Variants in ICE2 observed in about 807,000 individuals in gnomAD.
ICE2 encodes little elongation complex subunit 2.
In ICE2, 87 loss-of-function variants were observed where a neutral mutation model predicts 105.4. The observed-to-expected ratio is 0.83, with a 90% confidence interval of 0.69 to 0.99. ICE2 has a LOEUF of 0.99. Among genes scored for constraint, ICE2 ranks in the 50% least tolerant of loss-of-function variants. The pLI is 0.00. For synonymous variants in ICE2, 399 were observed against 392.0 expected, an observed-to-expected ratio of 1.02 and a Z score of -0.21; for missense variants, 1,323 against 1,146.7, an observed-to-expected ratio of 1.15 and a Z score of -2.22.
At chr15:60,474,680 C>G (rs2064705606) in intron 3 of ICE2, among the ~76,000 whole-genome samples, 1 of 152,136 alleles carries the variant, frequency 6.6e-6, no homozygotes, top group Non-Finnish European at 1.5e-5. Flanking sequence ...TGTCTTACAG[C>G]TTTTTTGTTC....
intron 5 of ICE2, among the ~76,000 whole-genome samples, chr15:60,464,051 CT>C: frequency 6.6e-6 from 1 of 152,140 alleles, no homozygotes; most frequent in Non-Finnish European, 1.5e-5. Flanking sequence ...GTTCTATATA[CT>C]TTTCCATATG....
intron 14 of ICE2, 22 bp from the exon 15 acceptor site, chr15:60,428,709 C>G (rs758442675): frequency 1.2e-6 from 2 of 1,607,020 alleles, no homozygotes; most frequent in East Asian, 2.2e-5. Flanking sequence ...CAATGAAACT[C>G]AACCCACTGG....
At position 60,442,485 on chromosome 15, in the gene ICE2, G is replaced by C. The variant is rs1595764975; in HGVS notation, c.2356C>G (p.Leu786Val). Residue 786 changes from leucine to valine, a missense_variant, in exon 12 of 16, where the codon CTG becomes GTG. Transcript: ENST00000261520. ...AAGCGACAAAGTTCACTTTCAGTCA[G>C]AGCTTCAACTCCATAACAAGCTTGA... ...EYQACYGVEA[L>V]TESELCRLWT... 1.3e-6 allele frequency: 2 copies of C among 1,599,010 alleles called. No individual in the cohort carries two copies. Among genetic ancestry groups the C allele is most frequent in the Non-Finnish European group, 1.7e-6 (2 of 1,176,846 alleles).
rs752281676 is a variant in ICE2, at chr15:60,449,381, T to C, written c.1586A>G (p.Asp529Gly). ...SQEIETSNKNDMTIDILHADG... is the reference protein window; with the variant it reads ...SQEIETSNKNGMTIDILHADG... ...AGCATGTAATATATCTATAGTCATA[T>C]CATTTTTATTAGAAGTTTCAATTTC... Residue 529 changes from aspartate (D) to glycine (G), a missense_variant, in exon 10 of 16, where the codon GAT (aspartate) becomes GGT (glycine). Physicochemically the swap from Asp to Gly is moderately conservative, Grantham distance 94. Coordinates refer to ENST00000261520, the MANE Select transcript of ICE2 (RefSeq NM_024611.6). The C allele has an allele frequency of 1.2e-6, 2 of 1,613,032 alleles. No individual in the cohort carries two copies. Among genetic ancestry groups the C allele is most frequent in the Non-Finnish European group, 1.7e-6 (2 of 1,179,418 alleles).
intron 9 of ICE2, 64 bp downstream of exon 9, chr15:60,453,539 A>C (rs1252310776): frequency 6.3e-7 from 1 of 1,575,744 alleles, no homozygotes; most frequent in South Asian, 1.2e-5. Context: ...TTGCAATAAA[A>C]CTTTATGCTT....
chr15:60,475,738 C>T (rs1272446676), intron 3 of ICE2, among the ~76,000 whole-genome samples: 2 of 151,946 alleles, frequency 1.3e-5, no homozygotes, highest in Non-Finnish European at 2.9e-5. Flanking sequence ...TAGTACTATA[C>T]TAAACAATTA....
Position 60,421,220 on chromosome 15 carries a change from C to G in ICE2, c.*2414G>C, listed in dbSNP as rs1257155783. The G allele has an allele frequency of 1.4e-5, 2 of 141,918 alleles. No individual in the cohort carries two copies. The highest frequency in any genetic ancestry group is 5.2e-5 in the African/African-American group (2 of 38,426). 8.8% of individuals were successfully genotyped at this position (141,918 alleles called of 1,614,324 possible). On this transcript the variant is annotated 3_prime_UTR_variant, in exon 16 of 16. Coordinates refer to ENST00000261520, the MANE Select transcript of ICE2 (RefSeq NM_024611.6). ...GTCTGATTTAAAAAAAAAAAAAAAA[C>G]TTGCTCATTTTTTGAGATAGGGTCT...
chr15:60,448,768 A>G (rs2063884784), intron 10 of ICE2, 80 bp downstream of exon 10: 8 of 1,218,266 alleles, frequency 6.6e-6, no homozygotes. Flanking sequence ...AGGTTATGAC[A>G]AAGTAAAGGA....
intron 14 of ICE2, among the ~76,000 whole-genome samples, chr15:60,430,560 T>C (rs2063434001): frequency 1.3e-5 from 2 of 152,344 alleles, no homozygotes; most frequent in South Asian, 4.1e-4. Context: ...GTATATAGCA[T>C]GAAGAACAGA....
At chr15:60,437,078 C>A (rs1163950304) in intron 12 of ICE2, among the ~76,000 whole-genome samples, 5 of 151,702 alleles carry the variant, frequency 3.3e-5, no homozygotes, top group Admixed American at 6.6e-5. Flanking sequence ...CATGGTGAAA[C>A]CTCGTCTCTA....
At chr15:60,470,369 T>C (rs2064555446) in intron 3 of ICE2, among the ~76,000 whole-genome samples, 2 of 152,116 alleles carry the variant, frequency 1.3e-5, no homozygotes, top group Admixed American at 1.3e-4. Context: ...AGAGAAAATA[T>C]CCATAGCAGT....
Position 60,468,044 on chromosome 15 carries a change from A to T in ICE2, c.408+17T>A. The stretch of plus-strand genomic sequence containing the variant: ...TTTTTATTATTTTTTCCTGAAACTG[A>T]AGAACACAATACATACCAAGTACTG... On this transcript the variant is annotated intron_variant, in intron 4 of 15. Coordinates refer to ENST00000261520, the MANE Select transcript of ICE2 (RefSeq NM_024611.6). The T allele has an allele frequency of 6.7e-7, 1 of 1,502,298 alleles. No homozygotes were observed. Among genetic ancestry groups the T allele is most frequent in the Non-Finnish European group, 8.9e-7 (1 of 1,120,730 alleles). The allele number at this position is 1,502,298 out of a possible 1,614,324, so 93.1% of individuals were successfully genotyped here.
chr15:60,462,069 A>AT (rs1166782721), intron 5 of ICE2, among the ~76,000 whole-genome samples: 1 of 152,224 alleles, frequency 6.6e-6, no homozygotes, highest in Non-Finnish European at 1.5e-5. Flanking sequence ...GAAGGAACTA[A>AT]TTTTTTTAAA....
rs1006234366 is a variant in ICE2, at chr15:60,479,067, C to G, written c.-157G>C. 2 of 452,562 alleles carry G rather than the reference C, an allele frequency of 4.4e-6. No individual in the cohort carries two copies. Among genetic ancestry groups the G allele is most frequent in the Non-Finnish European group, 8.9e-6 (2 of 224,462 alleles). 28.0% of individuals were successfully genotyped at this position (452,562 alleles called of 1,614,324 possible). A position where few individuals can be genotyped will look rare whatever the true frequency, so the allele number is the denominator to read the frequency against. On this transcript the variant is annotated 5_prime_UTR_variant, in exon 1 of 16. Coordinates refer to ENST00000261520, the MANE Select transcript of ICE2 (RefSeq NM_024611.6). ...ACACCACACACGCTCCACCCCACTC[C>G]TCACATTGTCGCGCGCGCCCAAAAA...
chr15:60,425,745 A>G (rs1006141259), intron 15 of ICE2, among the ~76,000 whole-genome samples: 2 of 152,212 alleles, frequency 1.3e-5, no homozygotes, highest in East Asian at 1.9e-4. Flanking sequence ...TCTATTTCAT[A>G]TAGGTCTTAC....
At chr15:60,459,709 G>A (rs1011609991) in intron 5 of ICE2, among the ~76,000 whole-genome samples, 2 of 152,186 alleles carry the variant, frequency 1.3e-5, no homozygotes, top group Non-Finnish European at 2.9e-5. Flanking sequence ...GGGATGTAAT[G>A]AGAGTCAAAA....
In ICE2 at chr15:60,468,325, G is replaced by A; in HGVS notation, c.147-3C>T. 1.3e-6 allele frequency: 2 copies of A among 1,588,472 alleles called. No individual in the cohort carries two copies. Among genetic ancestry groups the A allele is most frequent in the Non-Finnish European group, 1.7e-6 (2 of 1,163,248 alleles). On this transcript the variant is annotated splice_polypyrimidine_tract_variant and splice_region_variant and intron_variant, in intron 3 of 15. Coordinates refer to ENST00000261520, the MANE Select transcript of ICE2 (RefSeq NM_024611.6). Reference sequence around the variant, plus strand: ...CATTCAAATTTTCTCCTATACGTCTGGAAAACAAAATATAATTTACAAATA... The same window carrying A: ...CATTCAAATTTTCTCCTATACGTCTAGAAAACAAAATATAATTTACAAATA...
chr15:60,476,146 G>T lies in ICE2; in HGVS notation c.63C>A (p.Gly21=). Residue 21 remains glycine, a synonymous_variant, in exon 3 of 16, where the codon GGC becomes GGA. Coordinates refer to ENST00000261520, the MANE Select transcript of ICE2 (RefSeq NM_024611.6). The part of the protein sequence containing the change: ...GLNWDISPKN[G]LKTFFSRENY... ...TTTCTCGAGAGAAAAATGTCTTAAGGCCATTTTTGGGGGAAATATCCCTGT... is the reference window on the plus strand; with the variant it reads ...TTTCTCGAGAGAAAAATGTCTTAAGTCCATTTTTGGGGGAAATATCCCTGT... 1 of 1,601,122 alleles carries T rather than the reference G, an allele frequency of 6.2e-7. No individual in the cohort carries two copies. The highest frequency in any genetic ancestry group is 1.8e-5 in the Admixed American group (1 of 56,684).
chr15:60,431,770 A>G (rs891326793), intron 14 of ICE2, among the ~76,000 whole-genome samples, 164 bp downstream of exon 14: 1 of 152,186 alleles, frequency 6.6e-6, no homozygotes, highest in Non-Finnish European at 1.5e-5. Context: ...CAGATACTAA[A>G]TTACTTTATA....
Sources: allele counts gnomAD v4.1 joint callset (sites outside exome capture counted in the v4.1 genomes callset), GRCh38; gene constraint gnomAD v4.1.1; transcripts MANE v1.5; gene names NCBI Gene and HGNC (gene_info 2026-07-23, HGNC 2026-07-21).